C7orf78: variants seen among roughly 807,000 people sequenced by gnomAD.
The protein encoded by C7orf78 is putative uncharacterized protein C7orf78.
the C7orf78 span, among the ~76,000 whole-genome samples, chr7:12,529,817 T>A: frequency 1.3e-5 from 2 of 152,232 alleles, no homozygotes; most frequent in African/African-American, 4.8e-5. Flanking sequence ...TTAGACGGCA[T>A]CTTTTATTGA....
chr7:12,500,366 A>G, the C7orf78 span, among the ~76,000 whole-genome samples: 3 of 151,108 alleles, frequency 2.0e-5, no homozygotes, highest in Non-Finnish European at 4.4e-5. Context: ...GAGAAGAATC[A>G]AATAGACGCA....
the C7orf78 span, chr7:12,483,773 G>A: frequency 6.6e-6 from 1 of 151,230 alleles, no homozygotes; most frequent in Non-Finnish European, 1.5e-5. Flanking sequence ...AGCGACTTGG[G>A]AGGCTGAGGC....
At chr7:12,518,349 C>T in the C7orf78 span, among the ~76,000 whole-genome samples, 11 of 152,142 alleles carry the variant, frequency 7.2e-5, no homozygotes, top group South Asian at 2.1e-4. Context: ...CAGGCCTCCA[C>T]ATGTCTTGCC....
chr7:12,491,906 G>A, the C7orf78 span: 1 of 152,132 alleles, frequency 6.6e-6, no homozygotes, highest in African/African-American at 2.4e-5. Context: ...GGACATAATG[G>A]CAGCATATCC....
the C7orf78 span, among the ~76,000 whole-genome samples, chr7:12,490,874 A>T: frequency 2.0e-5 from 3 of 152,000 alleles, no homozygotes; most frequent in African/African-American, 7.3e-5. Flanking sequence ...ATATCTTCAG[A>T]TTTGCATTGC....
the C7orf78 span, among the ~76,000 whole-genome samples, chr7:12,533,061 T>C: frequency 1.3e-5 from 2 of 152,320 alleles, no homozygotes; most frequent in South Asian, 4.1e-4. Context: ...GCTGTACATA[T>C]ATAAAATTCT....
At chr7:12,514,932 T>C in the C7orf78 span, among the ~76,000 whole-genome samples, 1 of 152,232 alleles carries the variant, frequency 6.6e-6, no homozygotes, top group Non-Finnish European at 1.5e-5. Context: ...TTTAGCACTC[T>C]GAACACATCA....
chr7:12,500,931 C>T, the C7orf78 span, among the ~76,000 whole-genome samples: 1 of 149,958 alleles, frequency 6.7e-6, no homozygotes, highest in South Asian at 2.1e-4. Flanking sequence ...TGAATATACG[C>T]AAATCAATAA....
At chr7:12,526,671 A>G in the C7orf78 span, among the ~76,000 whole-genome samples, 1 of 152,186 alleles carries the variant, frequency 6.6e-6, no homozygotes, top group Non-Finnish European at 1.5e-5. Flanking sequence ...TAAAAGTGTC[A>G]TCTAGCTGTG....
the C7orf78 span, among the ~76,000 whole-genome samples, chr7:12,487,574 T>C: frequency 6.6e-4 from 101 of 152,202 alleles, no homozygotes; most frequent in African/African-American, 2.3e-3. Flanking sequence ...AATTTTGGGT[T>C]AGTTCTTTAC....
At chr7:12,542,083 G>C in the C7orf78 span, 2 of 152,116 alleles carry the variant, frequency 1.3e-5, no homozygotes, top group Non-Finnish European at 2.9e-5. Context: ...TAATAAAAGG[G>C]GAGGGTAGGA....
the C7orf78 span, among the ~76,000 whole-genome samples, chr7:12,484,297 A>G: frequency 6.6e-6 from 1 of 152,200 alleles, no homozygotes; most frequent in Non-Finnish European, 1.5e-5. Context: ...TGGCTCAATT[A>G]TGGAGGAAAT....
At chr7:12,499,970 C>T in the C7orf78 span, among the ~76,000 whole-genome samples, 37 of 121,894 alleles carry the variant, frequency 3.0e-4, no homozygotes, top group African/African-American at 1.1e-3. Flanking sequence ...CAACCTGCTC[C>T]TGAATGACTA....
the C7orf78 span, among the ~76,000 whole-genome samples, chr7:12,488,970 C>T: frequency 6.8e-6 from 1 of 147,344 alleles, no homozygotes; most frequent in East Asian, 2.0e-4. Flanking sequence ...TATTTGACTA[C>T]CTTTTATTGC....
chr7:12,520,316 C>A, the C7orf78 span, among the ~76,000 whole-genome samples: 1 of 152,252 alleles, frequency 6.6e-6, no homozygotes. Flanking sequence ...CTCTAGTCAG[C>A]ATCTTGAAGC....
chr7:12,501,214 T>A, the C7orf78 span, among the ~76,000 whole-genome samples: 7 of 142,102 alleles, frequency 4.9e-5, no homozygotes, highest in African/African-American at 1.9e-4. Context: ...CAACATAGTG[T>A]TGGAAGTTCT....
the C7orf78 span, chr7:12,505,865 T>C: frequency 8.5e-5 from 13 of 152,342 alleles, no homozygotes; most frequent in South Asian, 2.7e-3. Flanking sequence ...GATTCTGTGA[T>C]TTATATACAA....
chr7:12,525,067 G>A, the C7orf78 span, among the ~76,000 whole-genome samples: 1 of 152,068 alleles, frequency 6.6e-6, no homozygotes, highest in Non-Finnish European at 1.5e-5. Context: ...CAATTAAAGA[G>A]CGAAAAATCT....
the C7orf78 span, among the ~76,000 whole-genome samples, chr7:12,512,100 T>G: frequency 6.6e-6 from 1 of 151,562 alleles, no homozygotes; most frequent in Non-Finnish European, 1.5e-5. Context: ...GTTCTAAGAG[T>G]TTTTTTAGTG....
Sources: gnomAD v4.1 joint callset for allele counts (sites outside exome capture counted in the v4.1 genomes callset) on GRCh38, gnomAD v4.1.1 for gene constraint, MANE v1.5 for transcripts, NCBI Gene and HGNC (gene_info 2026-07-23, HGNC 2026-07-21) for gene names.